The following RAPGEF3 variants were observed in gnomAD, a reference collection of about 807,000 sequenced individuals.
RAPGEF3 encodes the protein 9330170P05Rik.
Under a neutral mutation model 129.8 loss-of-function variants are expected in RAPGEF3, and 103 were observed. The ratio of observed to expected loss-of-function variants is 0.79; its 90% confidence interval spans 0.68 to 0.93. The LOEUF is 0.93. RAPGEF3 is among the 40% of genes least tolerant of loss of function. The pLI is 0.00. For missense variants in RAPGEF3, 1,117 were observed against 1,207.4 expected (o/e 0.93, Z 1.11); for synonymous variants, 436 against 482.6 (o/e 0.90, Z 1.26).
intron 27 of RAPGEF3, 130 bp from the exon 28 acceptor site, chr12:47,737,815 C>A (rs970442246): frequency 2.7e-6 from 3 of 1,124,896 alleles, no homozygotes; most frequent in Non-Finnish European, 4.0e-6. Flanking sequence ...ATCACCAATT[C>A]CTAAAGACGG....
In RAPGEF3 at chr12:47,735,072, G is replaced by T. The variant is rs1382303225; in HGVS notation, c.*2495C>A. ...GGAGGGGAAGGAGGAAAGGAGGGGG[G>T]ATGTGTGTGTAACAATGACCTCCCT... is the stretch of plus-strand genomic sequence containing the variant. On this transcript the variant is annotated 3_prime_UTR_variant, in exon 28 of 28. Coordinates refer to ENST00000449771, the MANE Select transcript of RAPGEF3 (RefSeq NM_001098531.4). The T allele has an allele frequency of 1.3e-5, 2 of 152,476 alleles. No homozygotes were observed. The highest frequency in any genetic ancestry group is 4.8e-5 in the African/African-American group (2 of 41,450). The allele number at this position is 152,476 out of a possible 1,614,324, so 9.4% of individuals were successfully genotyped here. A position where few individuals can be genotyped will look rare whatever the true frequency, so the allele number is the denominator to read the frequency against.
In RAPGEF3 at chr12:47,736,350, G is replaced by C. The variant is rs1940799280; in HGVS notation, c.*1217C>G. 6.6e-6 allele frequency: 1 copy of C among 152,260 alleles called. No homozygotes were observed. The highest frequency in any genetic ancestry group is 1.5e-5 in the Non-Finnish European group (1 of 68,076). The allele number at this position is 152,260 out of a possible 1,614,324, so 9.4% of individuals were successfully genotyped here. A position where few individuals can be genotyped will look rare whatever the true frequency, so the allele number is the denominator to read the frequency against. ...GCCCTGCAGCCTCAATACCTACTCA[G>C]GAGTCATGCCAGGGGCCATGAGTTC... On this transcript the variant is annotated 3_prime_UTR_variant, in exon 28 of 28. Transcript: ENST00000449771.
Position 47,738,698 on chromosome 12 carries a change from C to T in RAPGEF3, c.2518G>A (p.Glu840Lys). The change falls in exon 25 of 28, where the codon GAG (glutamate) becomes AAG (lysine). Residue 840 changes from glutamate (E) to lysine (K), a missense_variant. By Grantham distance (56) the Glu-to-Lys change is moderately conservative. This residue lies in a region of RAPGEF3 where 643 missense variants were observed against 673.4 expected (regional missense o/e 0.95). Coordinates refer to ENST00000449771, the MANE Select transcript of RAPGEF3 (RefSeq NM_001098531.4). ...HTLVENLINF[E>K]KMRMMARAAR... ...GCTCTCCCTGGACTCACCATCTTCT[C>T]AAAGTTGATGAGATTCTCCACTAGT... 6.2e-7 allele frequency: 1 copy of T among 1,603,340 alleles called. No homozygotes were observed. Among genetic ancestry groups the T allele is most frequent in the Non-Finnish European group, 8.5e-7 (1 of 1,170,176 alleles).
rs1017673401 is a variant in RAPGEF3 at position 47,734,590 on chromosome 12, C to A, written c.*2977G>T. On this transcript the variant is annotated 3_prime_UTR_variant, in exon 28 of 28. Transcript: ENST00000449771. ...TGACTGTAAAACCAGAGTAAAAATA[C>A]CTGTAGTACCTATTCTGTCATCAGG... The A allele has an allele frequency of 1.3e-5, 2 of 152,220 alleles. No homozygotes were observed. Among genetic ancestry groups the A allele is most frequent in the Non-Finnish European group, 2.9e-5 (2 of 68,040 alleles). 9.4% of individuals were successfully genotyped at this position (152,220 alleles called of 1,614,324 possible).
intron 15 of RAPGEF3, 124 bp from the exon 16 acceptor site, chr12:47,747,023 T>G (rs1465570539): frequency 4.5e-6 from 4 of 889,910 alleles, no homozygotes; most frequent in Non-Finnish European, 5.2e-6. Flanking sequence ...CACGACCAGG[T>G]AAGTATCACA....
intron 19 of RAPGEF3, 106 bp downstream of exon 19, chr12:47,741,399 C>A: frequency 9.1e-7 from 1 of 1,101,378 alleles, no homozygotes; most frequent in South Asian, 1.3e-5. Flanking sequence ...GCAGCCAGAG[C>A]CAGGCCCCTC....
chr12:47,752,136 C>A (rs1267119955), intron 2 of RAPGEF3, among the ~76,000 whole-genome samples, 167 bp from the exon 3 acceptor site: 1 of 152,160 alleles, frequency 6.6e-6, no homozygotes, highest in Non-Finnish European at 1.5e-5. Context: ...GCACCCTGTG[C>A]CCCGGGCATC....
chr12:47,750,054 C>T (rs912827475), intron 7 of RAPGEF3, 64 bp from the exon 8 acceptor site: 19 of 1,590,152 alleles, frequency 1.2e-5, no homozygotes, highest in Non-Finnish European at 1.6e-5. Context: ...CAGGCTTTTG[C>T]TAGGGGTGTG....
rs1199295793 is a variant in RAPGEF3, at chr12:47,747,982, G to C, written c.1322+92C>G. On this transcript the variant is annotated intron_variant, in intron 13 of 27. Coordinates refer to ENST00000449771, the MANE Select transcript of RAPGEF3 (RefSeq NM_001098531.4). ...CCTGGCAGCAGGCTGGCATTTAAAG[G>C]GCTCAGCACAGCCACGCTGGTGAGA... The C allele has an allele frequency of 3.2e-6, 5 of 1,566,940 alleles. No homozygotes were observed. The East Asian group carries it at 9.1e-5, about 29-fold the overall frequency.
At chr12:47,744,193 G>A in intron 16 of RAPGEF3, 125 bp from the exon 17 acceptor site, 1 of 758,090 alleles carries the variant, frequency 1.3e-6, no homozygotes, top group Non-Finnish European at 2.2e-6. Context: ...ACCACCAGAG[G>A]GCTCTGCTTG....
At chr12:47,755,439 G>A (rs1429537371) in intron 2 of RAPGEF3, among the ~76,000 whole-genome samples, 1 of 151,994 alleles carries the variant, frequency 6.6e-6, no homozygotes, top group Admixed American at 6.6e-5. Context: ...TACAAAACAG[G>A]GCCACTTCCC....
At position 47,749,296 on chromosome 12, in the gene RAPGEF3, T is replaced by C. The variant is rs1438013299; in HGVS notation, c.1041+94A>G. 1 of 1,474,756 alleles carries C rather than the reference T, an allele frequency of 6.8e-7. No homozygotes were observed. The highest frequency in any genetic ancestry group is 1.4e-5 in the African/African-American group (1 of 69,506). The allele number at this position is 1,474,756 out of a possible 1,614,324, so 91.4% of individuals were successfully genotyped here. ...GCCCAGCATCTCTTACCTGCCCTGC[T>C]TCTTACAGGCCCTCTGCTCTGGTCC... On this transcript the variant is annotated intron_variant, in intron 10 of 27. Coordinates refer to ENST00000449771, the MANE Select transcript of RAPGEF3 (RefSeq NM_001098531.4). The surrounding 1 kb of genome is among the most constrained non-coding windows in gnomAD (Gnocchi z 4.5).
chr12:47,737,704 C>CA lies in RAPGEF3; in HGVS notation c.2654-20dup. 6.2e-7 allele frequency: 1 copy of CA among 1,605,952 alleles called. No homozygotes were observed. Among genetic ancestry groups the CA allele is most frequent in the East Asian group, 2.2e-5 (1 of 44,822 alleles). On this transcript the variant is annotated intron_variant, in intron 27 of 27. Coordinates refer to ENST00000449771, the MANE Select transcript of RAPGEF3 (RefSeq NM_001098531.4). Reference sequence around the variant, plus strand: ...TCCGAGCCTGGTGGAGGAGAGTAGTCAGGGAGGCACTGATGCCCCTTTGTG... The same window carrying CA: ...TCCGAGCCTGGTGGAGGAGAGTAGTCAAGGGAGGCACTGATGCCCCTTTGTG...
In RAPGEF3 at chr12:47,751,509, G is replaced by C. The variant is rs779692997; in HGVS notation, c.392C>G (p.Ser131Cys). The part of the protein sequence containing the change: ...YHLRLYRQCC[S>C]GRELVDGILA... The stretch of plus-strand genomic sequence containing the variant: ...GATCCCATCCACCAGCTCCCGGCCA[G>C]AGCAGCACTGCCTATGGAAGGTAGA... The change falls in exon 5 of 28, where the codon TCT becomes TGT. Residue 131 changes from serine (S) to cysteine (C), a missense_variant. Transcript: ENST00000449771. The C allele has an allele frequency of 7.4e-6, 12 of 1,614,110 alleles. No homozygotes were observed. Among genetic ancestry groups the C allele is most frequent in the Non-Finnish European group, 1.0e-5 (12 of 1,180,044 alleles).
chr12:47,758,109 T>C lies in RAPGEF3; in HGVS notation c.7-31A>G, dbSNP rs1481748644. Reference sequence around the variant, plus strand: ...ACACGGGGAGGAAAGTGGACAGCCATGGGACACGACTGGGGCGGCTGGGCC... The same window carrying C: ...ACACGGGGAGGAAAGTGGACAGCCACGGGACACGACTGGGGCGGCTGGGCC... On this transcript the variant is annotated intron_variant, in intron 1 of 27. Coordinates refer to ENST00000449771, the MANE Select transcript of RAPGEF3 (RefSeq NM_001098531.4). 1.9e-6 allele frequency: 3 copies of C among 1,544,750 alleles called. No individual in the cohort carries two copies. In the South Asian group the frequency reaches 3.6e-5, roughly 18 times the overall value.
At position 47,737,284 on chromosome 12, in the gene RAPGEF3, A is replaced by T; in HGVS notation, c.*283T>A. 1 of 444,366 alleles carries T rather than the reference A, an allele frequency of 2.3e-6. No individual in the cohort carries two copies. The highest frequency in any genetic ancestry group is 4.1e-6 in the Non-Finnish European group (1 of 241,720). The allele number at this position is 444,366 out of a possible 1,614,324, so 27.5% of individuals were successfully genotyped here. A position where few individuals can be genotyped will look rare whatever the true frequency, so the allele number is the denominator to read the frequency against. ...TGTGGAGACCTCTCTATTGCACACA[A>T]CGTCCCAGCGCACTCCACTCTCCAC... On this transcript the variant is annotated 3_prime_UTR_variant, in exon 28 of 28. Transcript: ENST00000449771.
At chr12:47,751,676 G>C in intron 4 of RAPGEF3, 47 bp downstream of exon 4, 1 of 1,605,694 alleles carries the variant, frequency 6.2e-7, no homozygotes, top group Middle Eastern at 1.7e-4. Flanking sequence ...GTGGAACGGA[G>C]AGAAAGCAGT....
intron 6 of RAPGEF3, among the ~76,000 whole-genome samples, chr12:47,750,651 C>T (rs1274291327): frequency 6.6e-6 from 1 of 152,196 alleles, no homozygotes; most frequent in Non-Finnish European, 1.5e-5. Flanking sequence ...ATCATCCTCA[C>T]TTGACAGAAC....
Position 47,749,322 on chromosome 12 carries a change from C to T in RAPGEF3, c.1041+68G>A, listed in dbSNP as rs1376600012. The T allele has an allele frequency of 6.3e-7, 1 of 1,593,214 alleles. No individual in the cohort carries two copies. The highest frequency in any genetic ancestry group is 1.1e-5 in the South Asian group (1 of 90,646). On this transcript the variant is annotated intron_variant, in intron 10 of 27. Coordinates refer to ENST00000449771, the MANE Select transcript of RAPGEF3 (RefSeq NM_001098531.4). This position sits in a 1 kb window ranked among gnomAD's most constrained non-coding sequence, Gnocchi z 4.5. ...TCTTACAGGCCCTCTGCTCTGGTCC[C>T]TACTCCTCTCTCCACATCACTTCTC...
Sources: gnomAD v4.1 joint callset for allele counts (sites outside exome capture counted in the v4.1 genomes callset) on GRCh38, gnomAD v4.1.1 for gene constraint, gnomAD v4.1.1 regional missense constraint, Gnocchi (gnomAD v3.1) non-coding constraint, MANE v1.5 for transcripts, NCBI Gene and HGNC (gene_info 2026-07-23, HGNC 2026-07-21) for gene names.